WWOX: variants seen among roughly 807,000 people sequenced by gnomAD.
WWOX encodes WW domain-containing oxidoreductase.
Under a neutral mutation model 46.2 loss-of-function variants are expected in WWOX, and 69 were observed. The ratio of observed to expected loss-of-function variants is 1.49; its 90% CI spans 1.23 to 1.82. WWOX has a LOEUF of 1.82. Ranked by LOEUF, WWOX falls within the 40% of genes most tolerant of loss-of-function variation. WWOX has a pLI of 0.00. For missense variants in WWOX, 919 were observed against 542.6 expected (o/e 1.69, Z -6.89); for synonymous variants, 359 against 202.6 (o/e 1.77, Z -6.56).
At chr16:78,356,490 G>C (rs1014735556) in intron 5 of WWOX, among the ~76,000 whole-genome samples, 30 of 152,156 alleles carry the variant, frequency 2.0e-4, no homozygotes, top group Non-Finnish European at 4.0e-4. Flanking sequence ...TTTGTTGTAA[G>C]TCGCCTACCC....
intron 8 of WWOX, among the ~76,000 whole-genome samples, chr16:78,993,374 G>C (rs1359385640): frequency 6.6e-6 from 1 of 152,128 alleles, no homozygotes; most frequent in Non-Finnish European, 1.5e-5. Context: ...TTAAGTGCTT[G>C]TCAAGAGGGT....
chr16:79,039,399 G>A (rs1304361151), intron 8 of WWOX, among the ~76,000 whole-genome samples: 1 of 152,160 alleles, frequency 6.6e-6, no homozygotes, highest in Non-Finnish European at 1.5e-5. Context: ...TTCCCCCATA[G>A]GAAGTCACAG....
chr16:78,852,923 T>C (rs542348374), intron 8 of WWOX, among the ~76,000 whole-genome samples: 1 of 152,220 alleles, frequency 6.6e-6, no homozygotes, highest in East Asian at 1.9e-4. Flanking sequence ...GGCTTCTTTC[T>C]TCTCATCATT....
rs1367628705 is a variant in WWOX at position 78,349,988 on chromosome 16, A to G, written c.517-36872A>G. Among the ~76,000 whole-genome samples the G allele has an allele frequency of 2.5e-5, 3 of 121,408 alleles. 1 individual carries two copies. Among genetic ancestry groups the G allele is most frequent in the African/African-American group, 8.4e-5 (3 of 35,866 alleles). 79.6% of individuals were successfully genotyped at this position (121,408 alleles called of 152,430 possible). On this transcript the variant is annotated intron_variant, in intron 5 of 8. Coordinates refer to ENST00000566780, the MANE Select transcript of WWOX (RefSeq NM_016373.4). ...ATACCATACATATGCCTGCATTTGTACACTCTTAAGCCAAATAACATCGTA... is the reference window on the plus strand; with the variant it reads ...ATACCATACATATGCCTGCATTTGTGCACTCTTAAGCCAAATAACATCGTA...
intron 8 of WWOX, among the ~76,000 whole-genome samples, chr16:78,440,035 T>C (rs1217607873): frequency 1.3e-5 from 2 of 152,200 alleles, no homozygotes; most frequent in African/African-American, 4.8e-5. Context: ...TGTATCCTAG[T>C]TATAAAGGAG....
At chr16:78,863,072 C>A (rs142190604) in intron 8 of WWOX, among the ~76,000 whole-genome samples, 3 of 151,544 alleles carry the variant, frequency 2.0e-5, no homozygotes, top group Middle Eastern at 3.4e-3. Context: ...GATTCTCCTG[C>A]CTCAGCCTCC....
intron 5 of WWOX, among the ~76,000 whole-genome samples, chr16:78,281,688 A>G (rs904288261): frequency 6.6e-5 from 10 of 152,184 alleles, no homozygotes; most frequent in Non-Finnish European, 1.2e-4. Flanking sequence ...TTTGAATTTC[A>G]TATACATTTT....
At chr16:78,464,930 C>T (rs943377527) in intron 8 of WWOX, among the ~76,000 whole-genome samples, 4 of 152,182 alleles carry the variant, frequency 2.6e-5, no homozygotes, top group Non-Finnish European at 5.9e-5. Context: ...TTACTGAACT[C>T]AGTCGTTTCA....
At chr16:78,267,015 A>C (rs2079380329) in intron 5 of WWOX, 1 of 154,988 alleles carries the variant, frequency 6.5e-6, no homozygotes, top group East Asian at 1.9e-4. Flanking sequence ...ACAAGATCTG[A>C]TGGGTTTATC....
chr16:78,741,527 C>T (rs546726876), intron 8 of WWOX, among the ~76,000 whole-genome samples: 115 of 151,748 alleles, frequency 7.6e-4, no homozygotes, highest in Non-Finnish European at 1.4e-3. Flanking sequence ...CACTGCACCC[C>T]AGCCTGGGCG....
rs79112614 is a variant in WWOX at position 78,548,183 on chromosome 16, G to C, written c.1056+115431G>C. 9.9e-3 allele frequency among the ~76,000 whole-genome samples: 868 copies of C among 87,670 alleles called. 73 individuals are homozygous for C. The highest frequency in any genetic ancestry group is 0.015 in the Non-Finnish European group (586 of 40,076). The allele number at this position is 87,670 out of a possible 152,430, so 57.5% of individuals were successfully genotyped here. On this transcript the variant is annotated intron_variant, in intron 8 of 8. Transcript: ENST00000566780. ...AAAAAAAAAAAAAAAAAAAAATTAC[G>C]AATTTTGCGAGGACGCAAACATTTA...
At chr16:78,702,124 T>TATATATATATATATATATATATATA (rs777394763) in intron 8 of WWOX, among the ~76,000 whole-genome samples, 10 of 105,518 alleles carry the variant, frequency 9.5e-5, no homozygotes, top group African/African-American at 4.9e-4. Context: ...ATATATATAT[T>TATATATATATATATATATATATATA]TATTTATTTT....
intron 5 of WWOX, among the ~76,000 whole-genome samples, chr16:78,341,168 A>ATG (rs112590486): frequency 0.022 from 2,304 of 105,744 alleles, 526 homozygotes; most frequent in African/African-American, 0.071. Context: ...TCCAACTGTA[A>ATG]TTTTTTTTTT....
intron 8 of WWOX, among the ~76,000 whole-genome samples, chr16:79,209,232 G>C (rs768735068): frequency 6.6e-6 from 1 of 152,214 alleles, no homozygotes; most frequent in Non-Finnish European, 1.5e-5. Context: ...TTTAGATTCC[G>C]TGGAAGGAAA....
chr16:78,395,630 C>T (rs757505160), intron 6 of WWOX, among the ~76,000 whole-genome samples: 1 of 152,142 alleles, frequency 6.6e-6, no homozygotes, highest in Non-Finnish European at 1.5e-5. Flanking sequence ...GGGAAATGAG[C>T]TTCACATTGC....
At chr16:79,023,270 C>T (rs2047571361) in intron 8 of WWOX, among the ~76,000 whole-genome samples, 1 of 152,192 alleles carries the variant, frequency 6.6e-6, no homozygotes, top group African/African-American at 2.4e-5. Flanking sequence ...TCTCCCTTTG[C>T]ATTTATGCAT....
At chr16:78,415,282 C>G (rs140933467) in intron 6 of WWOX, among the ~76,000 whole-genome samples, 8 of 151,970 alleles carry the variant, frequency 5.3e-5, no homozygotes, top group Non-Finnish European at 1.2e-4. Context: ...GGGAGTGTCT[C>G]TTAGCGTGCT....
At chr16:78,989,484 A>G (rs1208481780) in intron 8 of WWOX, among the ~76,000 whole-genome samples, 2 of 152,142 alleles carry the variant, frequency 1.3e-5, no homozygotes, top group African/African-American at 2.4e-5. Flanking sequence ...CCCTGTCCAT[A>G]GCGCCCATGG....
intron 8 of WWOX, among the ~76,000 whole-genome samples, chr16:78,950,517 A>AAC (rs748466625): frequency 2.7e-3 from 285 of 105,228 alleles, no homozygotes; most frequent in African/African-American, 8.4e-3. Flanking sequence ...CTATTAAAGG[A>AAC]ACACACACAC....
Sources: gnomAD v4.1 joint callset for allele counts (sites outside exome capture counted in the v4.1 genomes callset) on GRCh38, gnomAD v4.1.1 for gene constraint, MANE v1.5 for transcripts, NCBI Gene and HGNC (gene_info 2026-07-23, HGNC 2026-07-21) for gene names.